Variants in CYP7B1 observed in about 807,000 individuals in gnomAD.
The protein encoded by CYP7B1 is cytochrome P450 7B1.
A neutral mutation model predicts 42.7 loss-of-function variants in CYP7B1; 29 were observed. That is an observed-to-expected ratio of 0.68 (90% CI 0.51 to 0.93). CYP7B1 has a LOEUF of 0.93. Ranked by LOEUF, CYP7B1 falls within the 40% of genes least tolerant of loss-of-function variation. The pLI is 0.00. For synonymous variants in CYP7B1, 235 were observed against 218.2 expected (o/e 1.08, Z -0.68); for missense variants, 655 against 600.5 (o/e 1.09, Z -0.95).
intron 1 of CYP7B1, among the ~76,000 whole-genome samples, chr8:64,759,658 G>C (rs554738575): frequency 6.6e-6 from 1 of 152,134 alleles, no homozygotes; most frequent in South Asian, 2.1e-4. Flanking sequence ...ACCTAGAATG[G>C]GTCATTGAGA....
At position 64,665,559 on chromosome 8, in the gene CYP7B1, G is replaced by GTTTTTTTTTTTTTTTTTTTTTTTTTTT. The variant is rs540578806; in HGVS notation, c.123-41047_123-41021dup. On this transcript the variant is annotated intron_variant, in intron 1 of 5. Transcript: ENST00000310193. ...ATTTTAAGTGTTTTTTTTTTTGGTG[G>GTTTTTTTTTTTTTTTTTTTTTTTTTTT]TTTTTTTTTTTTTTTTTTTTTTTTT... Among the ~76,000 whole-genome samples the GTTTTTTTTTTTTTTTTTTTTTTTTTTT allele has an allele frequency of 9.6e-5, 5 of 52,022 alleles. 1 individual carries two copies. Among genetic ancestry groups the GTTTTTTTTTTTTTTTTTTTTTTTTTTT allele is most frequent in the Non-Finnish European group, 1.3e-4 (4 of 31,364 alleles). The allele number at this position is 52,022 out of a possible 152,430, so 34.1% of individuals were successfully genotyped here.
intron 1 of CYP7B1, among the ~76,000 whole-genome samples, chr8:64,721,513 T>A (rs1807235981): frequency 6.6e-6 from 1 of 152,212 alleles, no homozygotes; most frequent in Admixed American, 6.5e-5. Flanking sequence ...AAAATAGGTC[T>A]GTCGCACTTT....
chr8:64,725,621 C>T (rs1006231342), intron 1 of CYP7B1, among the ~76,000 whole-genome samples: 5 of 152,170 alleles, frequency 3.3e-5, no homozygotes, highest in African/African-American at 1.2e-4. Context: ...CATATACACA[C>T]ATAACTGCAA....
At chr8:64,685,153 G>A (rs998920658) in intron 1 of CYP7B1, among the ~76,000 whole-genome samples, 2 of 152,236 alleles carry the variant, frequency 1.3e-5, no homozygotes, top group Non-Finnish European at 2.9e-5. Flanking sequence ...AGTCTTTGCC[G>A]CCCCGCCGGC....
At chr8:64,715,926 A>G (rs1196862598) in intron 1 of CYP7B1, among the ~76,000 whole-genome samples, 1 of 152,238 alleles carries the variant, frequency 6.6e-6, no homozygotes, top group Non-Finnish European at 1.5e-5. Flanking sequence ...GTAATATTCA[A>G]CAATTGATAC....
chr8:64,631,639 G>T (rs934970026), intron 1 of CYP7B1, among the ~76,000 whole-genome samples: 1 of 152,062 alleles, frequency 6.6e-6, no homozygotes, highest in Non-Finnish European at 1.5e-5. Flanking sequence ...AAAACCTACA[G>T]AATGGAAGAA....
chr8:64,644,038 A>G (rs1242550072), intron 1 of CYP7B1, among the ~76,000 whole-genome samples: 1 of 152,074 alleles, frequency 6.6e-6, no homozygotes, highest in Admixed American at 6.5e-5. Context: ...ACTTTGGGAG[A>G]CTGAGGCAGG....
chr8:64,756,800 C>A (rs1005944799), intron 1 of CYP7B1, among the ~76,000 whole-genome samples: 2 of 152,158 alleles, frequency 1.3e-5, no homozygotes, highest in African/African-American at 4.8e-5. Flanking sequence ...TTTGGACATG[C>A]TGTTTAATCT....
intron 1 of CYP7B1, among the ~76,000 whole-genome samples, chr8:64,739,434 T>G (rs150864622): frequency 1.3e-4 from 20 of 152,292 alleles, no homozygotes; most frequent in African/African-American, 4.8e-4. Flanking sequence ...CTAGAGGAAG[T>G]TGAGGCCCCT....
chr8:64,674,968 A>G (rs1208684416), intron 1 of CYP7B1, among the ~76,000 whole-genome samples: 1 of 152,134 alleles, frequency 6.6e-6, no homozygotes. Flanking sequence ...CACCGTGAAT[A>G]GCAATTATTA....
At chr8:64,763,017 T>C (rs1458395888) in intron 1 of CYP7B1, among the ~76,000 whole-genome samples, 3 of 152,178 alleles carry the variant, frequency 2.0e-5, no homozygotes, top group Admixed American at 2.0e-4. Flanking sequence ...TAGTAAATCT[T>C]GCAACTGCAC....
At chr8:64,752,568 T>G (rs1807745417) in intron 1 of CYP7B1, among the ~76,000 whole-genome samples, 1 of 152,082 alleles carries the variant, frequency 6.6e-6, no homozygotes, top group Non-Finnish European at 1.5e-5. Context: ...TATGTAGAGC[T>G]GAGGTAGGTG....
At chr8:64,625,297 C>T (rs538662006) in intron 1 of CYP7B1, among the ~76,000 whole-genome samples, 1 of 152,092 alleles carries the variant, frequency 6.6e-6, no homozygotes, top group Non-Finnish European at 1.5e-5. Flanking sequence ...TACGCCTTTG[C>T]ATCCTGGTGA....
intron 1 of CYP7B1, among the ~76,000 whole-genome samples, chr8:64,772,364 G>A (rs1804250038): frequency 6.6e-6 from 1 of 152,186 alleles, no homozygotes; most frequent in African/African-American, 2.4e-5. Context: ...ACTTTGAGTA[G>A]GACAGATTGT....
chr8:64,739,661 G>A (rs1231655286), intron 1 of CYP7B1, among the ~76,000 whole-genome samples: 3 of 152,148 alleles, frequency 2.0e-5, no homozygotes, highest in African/African-American at 7.2e-5. Flanking sequence ...ATGTAATAAT[G>A]CCTTCGAATT....
chr8:64,759,889 A>G (rs1807860682), intron 1 of CYP7B1, among the ~76,000 whole-genome samples: 1 of 152,188 alleles, frequency 6.6e-6, no homozygotes, highest in African/African-American at 2.4e-5. Context: ...AAAAAAATAT[A>G]CAAAAGTTAA....
chr8:64,704,754 G>T (rs535094999), intron 1 of CYP7B1, among the ~76,000 whole-genome samples: 6 of 151,988 alleles, frequency 3.9e-5, no homozygotes, highest in African/African-American at 1.4e-4. Flanking sequence ...TCTTAAAATG[G>T]TCTTGATCAC....
intron 1 of CYP7B1, among the ~76,000 whole-genome samples, chr8:64,630,529 T>A (rs1805673479): frequency 6.6e-6 from 1 of 152,226 alleles, no homozygotes; most frequent in African/African-American, 2.4e-5. Flanking sequence ...TGCATATCTG[T>A]GGTTTTGCTT....
At chr8:64,607,398 T>A (rs1446577620) in intron 4 of CYP7B1, among the ~76,000 whole-genome samples, 3 of 144,012 alleles carry the variant, frequency 2.1e-5, no homozygotes, top group African/African-American at 2.6e-5. Context: ...GCTCTAGAAT[T>A]AAAAAAAAAA....
Sources: allele counts gnomAD v4.1 joint callset (sites outside exome capture counted in the v4.1 genomes callset), GRCh38; gene constraint gnomAD v4.1.1; transcripts MANE v1.5; gene names NCBI Gene and HGNC (gene_info 2026-07-23, HGNC 2026-07-21).